Variants in BRDT observed in about 807,000 individuals in gnomAD.
BRDT encodes bromodomain testis associated, also known as bromodomain testis-specific protein.
Under a neutral mutation model 113.9 loss-of-function variants are expected in BRDT, and 77 were observed. That is an observed-to-expected ratio of 0.68 (90% CI 0.56 to 0.82). BRDT has a LOEUF of 0.82. Ranked by LOEUF, BRDT falls within the 40% of genes least tolerant of loss-of-function variation. The probability of loss-of-function intolerance (pLI) is 0.00; values close to 1 mark genes in which losing one functional copy is unlikely to be tolerated. For synonymous variants in BRDT, 358 were observed against 366.5 expected (o/e 0.98, Z 0.26); for missense variants, 1,027 against 1,105.4 (o/e 0.93, Z 1.01).
In BRDT at chr1:91,996,751, G is replaced by A. The variant is rs189522936; in HGVS notation, c.2287+2497G>A. Among the ~76,000 whole-genome samples the A allele has an allele frequency of 2.4e-3, 372 of 152,306 alleles. 4 individuals carry two copies. Among genetic ancestry groups the A allele is most frequent in the Middle Eastern group, 0.01 (3 of 294 alleles). On this transcript the variant is annotated intron_variant, in intron 15 of 18. Coordinates refer to ENST00000399546, the MANE Select transcript of BRDT (RefSeq NM_207189.4). ...TGGCAGAATTGATATACTTCGTTAG[G>A]ATGAATGAGCTACTGGGAGATTATC...
chr1:91,979,761 GTTGA>G lies in BRDT; in HGVS notation c.1287+8_1287+11del, dbSNP rs766140800. 6.3e-7 allele frequency: 1 copy of G among 1,595,010 alleles called. No homozygotes were observed. The highest frequency in any genetic ancestry group is 8.5e-7 in the Non-Finnish European group (1 of 1,174,726). On this transcript the variant is annotated splice_donor_5th_base_variant and intron_variant, in intron 8 of 18. Coordinates refer to ENST00000399546, the MANE Select transcript of BRDT (RefSeq NM_207189.4). ...TCTTGCAAAGCTTCAGGAGCAGGTA[GTTGA>G]TTGTATTGATACAAATTTTGATAAT...
chr1:92,012,973 A>C (rs1687933846), intron 18 of BRDT, among the ~76,000 whole-genome samples: 1 of 151,082 alleles, frequency 6.6e-6, no homozygotes, highest in Admixed American at 6.6e-5. Flanking sequence ...TAATCCCAGC[A>C]CTTTGGGAGG....
intron 12 of BRDT, among the ~76,000 whole-genome samples, chr1:91,988,439 C>T (rs926401992): frequency 2.6e-5 from 4 of 152,054 alleles, no homozygotes; most frequent in African/African-American, 9.7e-5. Flanking sequence ...CTTGCTCTGT[C>T]ATCCAGGCTG....
At chr1:91,951,631 G>T (rs900432582) in intron 1 of BRDT, among the ~76,000 whole-genome samples, 2 of 147,672 alleles carry the variant, frequency 1.4e-5, no homozygotes, top group Non-Finnish European at 3.0e-5. Context: ...AAAATTAGCC[G>T]GGCGTGGTGG....
intron 2 of BRDT, 44 bp downstream of exon 2, chr1:91,962,990 CCTGTAAATTT>C: frequency 7.0e-7 from 1 of 1,424,576 alleles, no homozygotes; most frequent in Non-Finnish European, 9.4e-7. Context: ...AAAGAAAACT[CCTGTAAATTT>C]CTGTAAGACA....
At chr1:91,977,615 A>T in intron 6 of BRDT, 1 of 323,398 alleles carries the variant, frequency 3.1e-6, no homozygotes, top group Non-Finnish European at 5.5e-6. Context: ...TCATGCCTGT[A>T]ATCTTAGCAC....
chr1:92,008,939 C>G (rs953504123), intron 18 of BRDT, among the ~76,000 whole-genome samples: 2 of 152,108 alleles, frequency 1.3e-5, no homozygotes, highest in African/African-American at 4.8e-5. Context: ...CTACATCAAA[C>G]TAACATGTAT....
At chr1:91,977,550 CT>C in intron 6 of BRDT, 157 bp downstream of exon 6, 1 of 634,504 alleles carries the variant, frequency 1.6e-6, no homozygotes, top group Admixed American at 3.6e-5. Flanking sequence ...TAAAATATAT[CT>C]TTTTGTTTTC....
At position 92,004,985 on chromosome 1, in the gene BRDT, TAA is replaced by T. The variant is rs1410628079; in HGVS notation, c.2595-132_2595-131del. 4.1e-6 allele frequency: 3 copies of T among 728,984 alleles called. No homozygotes were observed. In the African/African-American group the frequency reaches 5.6e-5, roughly 14 times the overall value. 45.2% of individuals were successfully genotyped at this position (728,984 alleles called of 1,614,324 possible). ...TATGTGTAATTTGATGCATCAAAAA[TAA>T]AGCTTAAAATAATGTTATAACATGA... On this transcript the variant is annotated intron_variant, in intron 17 of 18. Coordinates refer to ENST00000399546, the MANE Select transcript of BRDT (RefSeq NM_207189.4).
At position 91,998,614 on chromosome 1, in the gene BRDT, T is replaced by C. The variant is rs558936953; in HGVS notation, c.2288-3435T>C. ...GTAAATCCAGGAGTTTGCTATCTCATAGGAGAAATAAACAACTGGTATATA... is the reference window on the plus strand; with the variant it reads ...GTAAATCCAGGAGTTTGCTATCTCACAGGAGAAATAAACAACTGGTATATA... On this transcript the variant is annotated intron_variant, in intron 15 of 18. Coordinates refer to ENST00000399546, the MANE Select transcript of BRDT (RefSeq NM_207189.4). 1.1e-4 allele frequency among the ~76,000 whole-genome samples: 16 copies of C among 152,296 alleles called. No homozygotes were observed. In the South Asian group the frequency reaches 1.2e-3, roughly 12 times the overall value.
At chr1:92,011,052 A>G (rs957819068) in intron 18 of BRDT, among the ~76,000 whole-genome samples, 2 of 152,148 alleles carry the variant, frequency 1.3e-5, no homozygotes, top group Admixed American at 6.5e-5. Flanking sequence ...TTCATAGGAC[A>G]TATAAGAACA....
chr1:91,950,278 CAT>C (rs1680907148), intron 1 of BRDT: 1 of 151,946 alleles, frequency 6.6e-6, no homozygotes, highest in Non-Finnish European at 1.5e-5. Context: ...ATGAAATGCC[CAT>C]CTCTACCAAA....
At chr1:91,967,823 A>G (rs1683231547) in intron 3 of BRDT, among the ~76,000 whole-genome samples, 1 of 152,250 alleles carries the variant, frequency 6.6e-6, no homozygotes, top group Admixed American at 6.5e-5. Context: ...GTGAGCCACC[A>G]TGCCTGGCGA....
chr1:91,972,417 C>T (rs539455768), intron 4 of BRDT, among the ~76,000 whole-genome samples: 1 of 152,274 alleles, frequency 6.6e-6, no homozygotes, highest in Admixed American at 6.5e-5. Context: ...CTTCCTAACA[C>T]TTAGCATCAC....
intron 1 of BRDT, among the ~76,000 whole-genome samples, chr1:91,961,368 G>A (rs1398727248): frequency 2.6e-5 from 4 of 151,930 alleles, no homozygotes; most frequent in Admixed American, 2.6e-4. Flanking sequence ...AGTGGCTCAA[G>A]GCTGTAATCT....
At chr1:92,006,706 A>G (rs7512392) in intron 18 of BRDT, among the ~76,000 whole-genome samples, 148,972 of 152,246 alleles carry the variant, frequency 0.98, 72,951 homozygotes, top group East Asian at 1. Context: ...GACCTTAGGC[A>G]ATCGCCTGCC....
chr1:91,986,506 A>G (rs915176840), intron 12 of BRDT, among the ~76,000 whole-genome samples: 1 of 152,234 alleles, frequency 6.6e-6, no homozygotes, highest in Non-Finnish European at 1.5e-5. Context: ...TGGTCATGAC[A>G]TCAGTTCACT....
chr1:91,955,872 G>C (rs1681711751), intron 1 of BRDT, among the ~76,000 whole-genome samples: 1 of 152,162 alleles, frequency 6.6e-6, no homozygotes, highest in African/African-American at 2.4e-5. Flanking sequence ...AATGATATCA[G>C]AATTATTTGT....
At chr1:91,989,153 AGGTGATGCCCTT>A in intron 12 of BRDT, among the ~76,000 whole-genome samples, 1 of 152,228 alleles carries the variant, frequency 6.6e-6, no homozygotes, top group East Asian at 1.9e-4. Context: ...TAGAAAACTA[AGGTGATGCCCTT>A]GAATTTTTTT....
Sources: allele counts gnomAD v4.1 joint callset (sites outside exome capture counted in the v4.1 genomes callset), GRCh38; gene constraint gnomAD v4.1.1; transcripts MANE v1.5; gene names NCBI Gene and HGNC (gene_info 2026-07-23, HGNC 2026-07-21).